CSMD1: variants seen among roughly 807,000 people sequenced by gnomAD.
CSMD1 encodes the protein CUB and sushi domain-containing protein 1.
Under a neutral mutation model 417.5 loss-of-function variants are expected in CSMD1, and 213 were observed. That is an observed-to-expected ratio of 0.51 (90% CI 0.46 to 0.57). The LOEUF is 0.57. Among genes scored for constraint, CSMD1 ranks in the 20% least tolerant of loss-of-function variants. CSMD1 has a pLI of 0.00. For missense variants in CSMD1, 6,923 were observed against 4,529.7 expected (o/e 1.53, Z -15.17); for synonymous variants, 2,862 against 1,736.8 (o/e 1.65, Z -16.11).
chr8:3,548,593 A>G (rs555968822), intron 10 of CSMD1, among the ~76,000 whole-genome samples: 19 of 147,832 alleles, frequency 1.3e-4, no homozygotes, highest in South Asian at 6.4e-4. Flanking sequence ...ATAGTCCCCA[A>G]TCTCATCCAG....
At chr8:4,596,756 T>G (rs1044754689) in intron 2 of CSMD1, among the ~76,000 whole-genome samples, 2 of 152,226 alleles carry the variant, frequency 1.3e-5, no homozygotes, top group Admixed American at 6.5e-5. Context: ...ACACATGATA[T>G]GGATTGGCTG....
At chr8:4,096,795 G>A (rs569983697) in intron 3 of CSMD1, among the ~76,000 whole-genome samples, 4 of 152,298 alleles carry the variant, frequency 2.6e-5, no homozygotes, top group South Asian at 2.1e-4. Flanking sequence ...GTTGCACTCC[G>A]ACGCTGTCTT....
At chr8:4,975,465 C>A (rs995614920) in intron 1 of CSMD1, among the ~76,000 whole-genome samples, 2 of 152,132 alleles carry the variant, frequency 1.3e-5, no homozygotes, top group Admixed American at 1.3e-4. Flanking sequence ...AATCTGATAG[C>A]CACTAAAAAC....
At chr8:3,768,352 T>C (rs531051528) in intron 5 of CSMD1, among the ~76,000 whole-genome samples, 2 of 152,318 alleles carry the variant, frequency 1.3e-5, no homozygotes, top group South Asian at 2.1e-4. Context: ...ATCTTCAATA[T>C]GATTGGGAAA....
intron 1 of CSMD1, among the ~76,000 whole-genome samples, chr8:4,853,976 T>G (rs1801638665): frequency 6.6e-6 from 1 of 152,328 alleles, no homozygotes; most frequent in African/African-American, 2.4e-5. Flanking sequence ...TTTTTTCCTT[T>G]GGTATGAGAA....
At chr8:3,901,547 A>T (rs1014073157) in intron 5 of CSMD1, among the ~76,000 whole-genome samples, 3 of 152,232 alleles carry the variant, frequency 2.0e-5, no homozygotes, top group African/African-American at 7.2e-5. Flanking sequence ...CCTGCCGATC[A>T]CGTTTGCTCA....
At chr8:4,459,602 A>G (rs1336611609) in intron 2 of CSMD1, among the ~76,000 whole-genome samples, 4 of 152,198 alleles carry the variant, frequency 2.6e-5, no homozygotes, top group East Asian at 3.9e-4. Context: ...ATAATAAGAG[A>G]CAGAGAAGAA....
Position 4,032,119 on chromosome 8 carries a change from A to C in CSMD1, c.416-20T>G, listed in dbSNP as rs772576436. On this transcript the variant is annotated intron_variant, in intron 3 of 69. Transcript: ENST00000635120. ...GTAAAACTATTGGAAAAAGAAAAGA[A>C]AGGAGAAAAAACAAGTTAAATTTTC... The C allele has an allele frequency of 6.4e-6, 10 of 1,571,070 alleles. No homozygotes were observed. Among genetic ancestry groups the C allele is most frequent in the Non-Finnish European group, 8.7e-6 (10 of 1,151,546 alleles).
At position 3,085,790 on chromosome 8, in the gene CSMD1, C is replaced by T. The variant is rs41452148; in HGVS notation, c.7474+1307G>A. ...ATGTCTCCACCTCATAATCCGTTTC[C>T]AGAACTCCTTGCATATCCATCAGAA... On this transcript the variant is annotated intron_variant, in intron 49 of 69. Transcript: ENST00000635120. Among the ~76,000 whole-genome samples the T allele has an allele frequency of 8.6e-3, 1,308 of 152,272 alleles. 19 individuals are homozygous for T. Among genetic ancestry groups the T allele is most frequent in the African/African-American group, 0.03 (1,257 of 41,554 alleles).
At chr8:4,180,043 G>A (rs188378063) in intron 3 of CSMD1, among the ~76,000 whole-genome samples, 171 of 152,116 alleles carry the variant, frequency 1.1e-3, no homozygotes, top group African/African-American at 3.8e-3. Context: ...ACCTAGAACT[G>A]GAAATACCAT....
At chr8:3,235,894 T>A (rs980253233) in intron 26 of CSMD1, among the ~76,000 whole-genome samples, 1 of 150,550 alleles carries the variant, frequency 6.6e-6, no homozygotes, top group African/African-American at 2.4e-5. Flanking sequence ...CTCGAGTTTA[T>A]GCCAGTTATA....
At chr8:3,257,305 T>A (rs946249202) in intron 26 of CSMD1, among the ~76,000 whole-genome samples, 1 of 152,204 alleles carries the variant, frequency 6.6e-6, no homozygotes, top group Admixed American at 6.5e-5. Flanking sequence ...GCCCGCGCTA[T>A]AAGAGTGAAA....
intron 3 of CSMD1, among the ~76,000 whole-genome samples, chr8:4,177,644 GC>G (rs1563228552): frequency 1.4e-5 from 2 of 141,390 alleles, no homozygotes; most frequent in African/African-American, 5.3e-5. Context: ...TCCAGGAGCT[GC>G]TTTTTTGAAA....
intron 21 of CSMD1, among the ~76,000 whole-genome samples, chr8:3,350,200 G>A (rs551942627): frequency 1.6e-5 from 2 of 126,984 alleles, no homozygotes; most frequent in South Asian, 5.1e-4. Context: ...TTGTGTATGT[G>A]TGTGTTATAA....
intron 25 of CSMD1, among the ~76,000 whole-genome samples, chr8:3,306,990 C>CA (rs1804910727): frequency 6.6e-6 from 1 of 151,576 alleles, no homozygotes; most frequent in Non-Finnish European, 1.5e-5. Flanking sequence ...ATATGTGTTA[C>CA]TTTAGAGTAC....
chr8:4,669,405 A>G (rs1314735273), intron 1 of CSMD1, among the ~76,000 whole-genome samples: 5 of 152,180 alleles, frequency 3.3e-5, no homozygotes, highest in African/African-American at 1.2e-4. Context: ...ATTTCTCCTC[A>G]TTTGAGAAAA....
At chr8:4,531,289 A>G (rs889738819) in intron 2 of CSMD1, among the ~76,000 whole-genome samples, 3 of 152,204 alleles carry the variant, frequency 2.0e-5, no homozygotes, top group Non-Finnish European at 2.9e-5. Context: ...AACAAAAATA[A>G]CTAAACCCGA....
intron 12 of CSMD1, among the ~76,000 whole-genome samples, chr8:3,414,777 C>G (rs1813023232): frequency 6.6e-6 from 1 of 152,132 alleles, no homozygotes; most frequent in South Asian, 2.1e-4. Context: ...AGGGTGTCTC[C>G]CCTCTTCAGC....
At chr8:3,984,979 G>A (rs561745500) in intron 5 of CSMD1, among the ~76,000 whole-genome samples, 65 of 152,080 alleles carry the variant, frequency 4.3e-4, no homozygotes, top group African/African-American at 1.5e-3. Flanking sequence ...TGGGAAAGAT[G>A]GATTATTCCG....
Sources: gnomAD v4.1 joint callset for allele counts (sites outside exome capture counted in the v4.1 genomes callset) on GRCh38, gnomAD v4.1.1 for gene constraint, MANE v1.5 for transcripts, NCBI Gene and HGNC (gene_info 2026-07-23, HGNC 2026-07-21) for gene names.